The following SHMT1 variants were observed in gnomAD, a reference collection of about 807,000 sequenced individuals.
The protein encoded by SHMT1 is serine hydroxymethyltransferase 1.
A neutral mutation model predicts 49.0 loss-of-function variants in SHMT1; 45 were observed. The observed-to-expected ratio is 0.92, with a 90% confidence interval of 0.72 to 1.18. SHMT1 has a LOEUF of 1.18. Ranked by LOEUF, SHMT1 falls within the 50% of genes most tolerant of loss-of-function variation. The pLI, the probability that SHMT1 is intolerant of heterozygous loss-of-function variation, is 0.00. For synonymous variants in SHMT1, 232 were observed against 246.6 expected (o/e 0.94, Z 0.55); for missense variants, 541 against 612.4 (o/e 0.88, Z 1.23).
rs781559232 is a variant in SHMT1 at position 18,355,944 on chromosome 17, T to TCAG, written c.35_37dup (p.Ala12dup). 8.1e-5 allele frequency: 130 copies of TCAG among 1,614,006 alleles called. No individual in the cohort carries two copies. Among genetic ancestry groups the TCAG allele is most frequent in the Non-Finnish European group, 1.1e-4 (125 of 1,179,986 alleles). ...CATCTTGTCATGTGAGGACCACAGG[T>TCAG]CAGCATCCTTGTGGGCCCCGTTGAC... On this transcript the variant is annotated inframe_insertion, in exon 2 of 12. Transcript: ENST00000316694.
intron 1 of SHMT1, among the ~76,000 whole-genome samples, chr17:18,357,658 A>C (rs1986364178): frequency 6.6e-6 from 1 of 152,128 alleles, no homozygotes; most frequent in African/African-American, 2.4e-5. Flanking sequence ...ACCTCATTTT[A>C]ATCCTAGCAA....
intron 5 of SHMT1, among the ~76,000 whole-genome samples, chr17:18,344,970 C>T (rs571347498): frequency 6.4e-4 from 97 of 152,308 alleles, no homozygotes; most frequent in Middle Eastern, 6.8e-3. Flanking sequence ...TGGGACACCC[C>T]CTAACCTCCA....
chr17:18,340,573 T>C lies in SHMT1; in HGVS notation c.601+159A>G. ...ACAAAAAGCAGCAAACACACATCTG[T>C]ATCCTGAAAGAAACTAATATATGTA... On this transcript the variant is annotated intron_variant, in intron 6 of 11. Coordinates refer to ENST00000316694, the MANE Select transcript of SHMT1 (RefSeq NM_004169.5). This position sits in a 1 kb window ranked among gnomAD's most constrained non-coding sequence, Gnocchi z 4.5. 1 of 728,306 alleles carries C rather than the reference T, an allele frequency of 1.4e-6. No individual in the cohort carries two copies. The allele number at this position is 728,306 out of a possible 1,614,324, so 45.1% of individuals were successfully genotyped here. A position where few individuals can be genotyped will look rare whatever the true frequency, so the allele number is the denominator to read the frequency against.
In SHMT1 at chr17:18,344,332, G is replaced by A. The variant is rs573545382; in HGVS notation, c.519+3164C>T. 1.1e-4 allele frequency among the ~76,000 whole-genome samples: 17 copies of A among 152,146 alleles called. No individual in the cohort carries two copies. The East Asian group carries it at 1.2e-3, about 10-fold the overall frequency. On this transcript the variant is annotated intron_variant, in intron 5 of 11. Transcript: ENST00000316694. ...GTCACCTGAATTTGGCAAAGAAACC[G>A]TTTTATGAAATGAAATATCAACAGC...
rs1979276 is a variant in SHMT1, at chr17:18,328,684, G to A, written c.*66C>T. ...TTTGGAGCAGCTCATCCATCTCTCA[G>A]GTGGGGGTCCTCCGGCAGGCAGCTT... On this transcript the variant is annotated 3_prime_UTR_variant, in exon 12 of 12. Transcript: ENST00000316694. The A allele has an allele frequency of 0.32, 491,803 of 1,526,132 alleles. 84,979 individuals carry two copies. The highest frequency in any genetic ancestry group is 0.62 in the African/African-American group (44,750 of 72,614). 94.5% of individuals were successfully genotyped at this position (1,526,132 alleles called of 1,614,324 possible).
chr17:18,348,983 G>T (rs1258127522), intron 3 of SHMT1, among the ~76,000 whole-genome samples: 1 of 139,706 alleles, frequency 7.2e-6, no homozygotes, highest in African/African-American at 2.6e-5. Context: ...AAAAAGAAAA[G>T]AAAAAGAAAA....
At chr17:18,335,266 TG>T (rs1449376035) in intron 8 of SHMT1, among the ~76,000 whole-genome samples, 2 of 152,188 alleles carry the variant, frequency 1.3e-5, no homozygotes. Context: ...ACCTGTGCTT[TG>T]CCCTCTCCTA....
chr17:18,357,340 T>C (rs905301448), intron 1 of SHMT1, among the ~76,000 whole-genome samples: 1 of 150,170 alleles, frequency 6.7e-6, no homozygotes, highest in African/African-American at 2.5e-5. Context: ...AGATGAATCA[T>C]TGACTTGAAA....
intron 7 of SHMT1, 44 bp from the exon 8 acceptor site, chr17:18,335,719 C>T (rs1567772896): frequency 7.2e-7 from 1 of 1,393,296 alleles, no homozygotes; most frequent in South Asian, 1.2e-5. Context: ...GGGGCTGTCC[C>T]CTCTTTTTCT....
chr17:18,336,138 G>A (rs1382310416), intron 7 of SHMT1, among the ~76,000 whole-genome samples: 17 of 152,062 alleles, frequency 1.1e-4, no homozygotes, highest in African/African-American at 3.6e-4. Flanking sequence ...TTAGCCGGGC[G>A]TGGTGGTGTG....
chr17:18,328,855 C>T lies in SHMT1; in HGVS notation c.1347G>A (p.Lys449=), dbSNP rs747392627. The T allele has an allele frequency of 5.6e-6, 9 of 1,613,914 alleles. No individual in the cohort carries two copies. The Admixed American group carries it at 6.7e-5, about 12-fold the overall frequency. ...TGVRATLKEF[K]ERLAGDKYQA... Reference sequence around the variant, plus strand: ...GGTACTTATCCCCTGCCAGTCTCTCCTTGAACTCTTTCAGGGTGGCTCTGA... The same window carrying T: ...GGTACTTATCCCCTGCCAGTCTCTCTTTGAACTCTTTCAGGGTGGCTCTGA... Residue 449 remains lysine (K), a synonymous_variant, in exon 12 of 12, where the codon AAG becomes AAA. Transcript: ENST00000316694.
chr17:18,346,740 A>T (rs1985117877), intron 5 of SHMT1, among the ~76,000 whole-genome samples: 1 of 152,216 alleles, frequency 6.6e-6, no homozygotes, highest in South Asian at 2.1e-4. Context: ...TACCTTAAAC[A>T]TGCTGAGGAC....
In SHMT1 at chr17:18,330,672, C is replaced by G; in HGVS notation, c.1055-1G>C. ...AGGATCAAATGGTTGTCAGAACCAC[C>G]TGGAAACAAAGTTGGACATGTAGAA... On this transcript the variant is annotated splice_acceptor_variant, in intron 9 of 11. Transcript: ENST00000316694. LOFTEE classifies it high-confidence loss of function. 1.2e-6 allele frequency: 2 copies of G among 1,607,100 alleles called. No homozygotes were observed. Among genetic ancestry groups the G allele is most frequent in the East Asian group, 2.2e-5 (1 of 44,850 alleles).
intron 5 of SHMT1, among the ~76,000 whole-genome samples, chr17:18,345,894 C>G (rs1985039731): frequency 6.6e-6 from 1 of 152,058 alleles, no homozygotes; most frequent in African/African-American, 2.4e-5. Flanking sequence ...GTTGGCCAGG[C>G]TGGTCTCGAA....
rs374367351 is a variant in SHMT1, at chr17:18,335,592, G to A, written c.898C>T (p.Leu300=). The stretch of plus-strand genomic sequence containing the variant: ...GCGTGGTTGTGGGGACCTCCCTGCA[G>A]GCCAGGGAACACAGCAGAATTGATA... ...SLINSAVFPG[L]QGGPHNHAIA... The change falls in exon 8 of 12, where the codon CTG becomes TTG. Residue 300 remains leucine, a synonymous_variant. Coordinates refer to ENST00000316694, the MANE Select transcript of SHMT1 (RefSeq NM_004169.5). 7 of 1,613,088 alleles carry A rather than the reference G, an allele frequency of 4.3e-6. No individual in the cohort carries two copies. In the African/African-American group the frequency reaches 9.3e-5, roughly 22 times the overall value.
intron 11 of SHMT1, 109 bp from the exon 12 acceptor site, chr17:18,329,028 C>T (rs1179730330): frequency 1.4e-6 from 2 of 1,410,704 alleles, no homozygotes; most frequent in Non-Finnish European, 9.9e-7. Flanking sequence ...GGGAGTGTGG[C>T]AGGGCACAAG....
At chr17:18,351,752 G>A (rs1985728114) in intron 3 of SHMT1, among the ~76,000 whole-genome samples, 1 of 151,824 alleles carries the variant, frequency 6.6e-6, no homozygotes. Flanking sequence ...CCAGCCTCGT[G>A]ACAGAGCGAT....
At position 18,334,692 on chromosome 17, in the gene SHMT1, G is replaced by A. The variant is rs563611341; in HGVS notation, c.931+867C>T. Among the ~76,000 whole-genome samples the A allele has an allele frequency of 6.6e-5, 10 of 152,226 alleles. No homozygotes were observed. In the South Asian group the frequency reaches 2.1e-3, roughly 32 times the overall value. ...GCTTCAAGGGACACAGAGAATGGAG[G>A]ATAAGGAGAACCCACGGGCCTGCAT... On this transcript the variant is annotated intron_variant, in intron 8 of 11. Transcript: ENST00000316694.
chr17:18,355,773 C>A, intron 2 of SHMT1, 113 bp downstream of exon 2: 1 of 733,486 alleles, frequency 1.4e-6, no homozygotes, highest in Non-Finnish European at 2.4e-6. Context: ...ACCTCTAAAT[C>A]CAGCAGGATA....
Sources: gnomAD v4.1 joint callset for allele counts (sites outside exome capture counted in the v4.1 genomes callset) on GRCh38, gnomAD v4.1.1 for gene constraint, Gnocchi (gnomAD v3.1) non-coding constraint, MANE v1.5 for transcripts, NCBI Gene and HGNC (gene_info 2026-07-23, HGNC 2026-07-21) for gene names.